The following MEAK7 variants were observed in gnomAD, a reference collection of about 807,000 sequenced individuals.
MEAK7 encodes MTOR-associated protein MEAK7.
Under a neutral mutation model 40.5 loss-of-function variants are expected in MEAK7, and 68 were observed. The observed-to-expected ratio is 1.68, with a 90% CI of 1.38 to 2.06. The LOEUF is 2.06. Among genes scored for constraint, MEAK7 ranks in the 30% most tolerant of loss-of-function variants. The pLI is 0.00. For synonymous variants in MEAK7, 338 were observed against 231.9 expected, an observed-to-expected ratio of 1.46 and a Z score of -4.16; for missense variants, 918 against 580.5, an observed-to-expected ratio of 1.58 and a Z score of -5.98.
intron 3 of MEAK7, among the ~76,000 whole-genome samples, chr16:84,495,434 C>A (rs990066645): frequency 2.0e-5 from 3 of 152,160 alleles, no homozygotes; most frequent in Non-Finnish European, 4.4e-5. Context: ...ACCAGACCCT[C>A]CCTCCTTCCC....
Position 84,491,214 on chromosome 16 carries a change from T to A in MEAK7, c.385-1792A>T, listed in dbSNP as rs371645465. On this transcript the variant is annotated intron_variant, in intron 3 of 7. Transcript: ENST00000343629. The stretch of plus-strand genomic sequence containing the variant: ...CTCCACTTTGGGAGGCCAAGGCGAG[T>A]GGATTACTTGAGGTCAGGAGTTCGA... Among the ~76,000 whole-genome samples the A allele has an allele frequency of 1.2e-4, 18 of 150,836 alleles. 1 individual carries two copies. The East Asian group carries it at 2.0e-3, about 17-fold the overall frequency.
rs535892700 is a variant in MEAK7, at chr16:84,486,503, C to G, written c.958+128G>C. 7.6e-6 allele frequency: 11 copies of G among 1,447,292 alleles called. No homozygotes were observed. The South Asian group carries it at 1.6e-4, about 21-fold the overall frequency. 89.7% of individuals were successfully genotyped at this position (1,447,292 alleles called of 1,614,324 possible). On this transcript the variant is annotated intron_variant, in intron 5 of 7. Coordinates refer to ENST00000343629, the MANE Select transcript of MEAK7 (RefSeq NM_020947.4). ...GCAGCATCACATTTTCCTATCGCCC[C>G]GACTGCGTCTAGAGAAACACTTGGA...
Position 84,495,867 on chromosome 16 carries a change from T to A in MEAK7, c.200A>T (p.Tyr67Phe), listed in dbSNP as rs757139711. Residue 67 changes from tyrosine to phenylalanine, a missense_variant, in exon 3 of 8, where the codon TAT (tyrosine) becomes TTT (phenylalanine). By Grantham distance (22) the Tyr-to-Phe change is conservative (BLOSUM62 3). Coordinates refer to ENST00000343629, the MANE Select transcript of MEAK7 (RefSeq NM_020947.4). The stretch of plus-strand genomic sequence containing the variant: ...CAGGTCGACCCTCCGCATGCCATCA[T>A]ACAGCCTGGTGACCATCTCTGGGGG... ...ALPPEMVTRL[Y>F]DGMRRVDLTG... 1 of 1,614,114 alleles carries A rather than the reference T, an allele frequency of 6.2e-7. No homozygotes were observed. The highest frequency in any genetic ancestry group is 8.5e-7 in the Non-Finnish European group (1 of 1,180,022).
At chr16:84,492,359 A>G (rs1394290979) in intron 3 of MEAK7, among the ~76,000 whole-genome samples, 5 of 152,136 alleles carry the variant, frequency 3.3e-5, no homozygotes, top group Non-Finnish European at 7.4e-5. Context: ...AAGATGATTA[A>G]AATTTAATAG....
chr16:84,497,849 A>G, intron 2 of MEAK7, 85 bp downstream of exon 2: 1 of 1,579,766 alleles, frequency 6.3e-7, no homozygotes, highest in Non-Finnish European at 8.7e-7. Flanking sequence ...CATTACAAAA[A>G]CACGAAAGCA....
At chr16:84,500,736 G>A (rs574527940) in intron 1 of MEAK7, among the ~76,000 whole-genome samples, 3 of 152,216 alleles carry the variant, frequency 2.0e-5, no homozygotes, top group South Asian at 4.1e-4. Context: ...AGCGGCAGGC[G>A]GCTGTCCCCA....
In MEAK7 at chr16:84,495,642, G is replaced by A. The variant is rs765907768; in HGVS notation, c.384+41C>T. 6 of 1,598,006 alleles carry A rather than the reference G, an allele frequency of 3.8e-6. No individual in the cohort carries two copies. In the South Asian group the frequency reaches 6.6e-5, roughly 18 times the overall value. ...CCATCCCCCCACCGATGGTCACCAA[G>A]ACTGCTGAGGAGGCTGCAAAGGACC... On this transcript the variant is annotated intron_variant, in intron 3 of 7. Coordinates refer to ENST00000343629, the MANE Select transcript of MEAK7 (RefSeq NM_020947.4).
At chr16:84,489,804 G>T (rs772562129) in intron 3 of MEAK7, among the ~76,000 whole-genome samples, 3 of 152,156 alleles carry the variant, frequency 2.0e-5, no homozygotes, top group Non-Finnish European at 4.4e-5. Context: ...GGTTTATTTT[G>T]CTGAGTTTTA....
At chr16:84,497,765 T>TA (rs1597965702) in intron 2 of MEAK7, 169 bp downstream of exon 2, 11 of 1,309,386 alleles carry the variant, frequency 8.4e-6, no homozygotes, top group Non-Finnish European at 1.2e-5. Context: ...AGAGACCGCA[T>TA]AGCTCACAAA....
chr16:84,490,653 G>GGTGTGTGTGTGGGTGT (rs571630201), intron 3 of MEAK7, among the ~76,000 whole-genome samples: 1 of 104,432 alleles, frequency 9.6e-6, no homozygotes, highest in African/African-American at 4.1e-5. Flanking sequence ...AGCTAATCAA[G>GGTGTGTGTGTGGGTGT]ATGTGTGTGT....
chr16:84,499,677 T>G (rs1243290670), intron 1 of MEAK7, among the ~76,000 whole-genome samples: 1 of 152,186 alleles, frequency 6.6e-6, no homozygotes, highest in East Asian at 1.9e-4. Flanking sequence ...CCCTCCCACA[T>G]GCCCTGGCCA....
At chr16:84,483,790 G>T (rs1466394296) in intron 5 of MEAK7, among the ~76,000 whole-genome samples, 1 of 152,196 alleles carries the variant, frequency 6.6e-6, no homozygotes. Context: ...GCTGGCTGGG[G>T]CAAGAGTCCC....
intron 1 of MEAK7, among the ~76,000 whole-genome samples, chr16:84,503,065 C>G (rs1445997370): frequency 6.6e-6 from 1 of 152,186 alleles, no homozygotes; most frequent in Admixed American, 6.5e-5. Context: ...TATCTGTTCA[C>G]TTGCTATCTA....
intron 1 of MEAK7, chr16:84,502,983 G>A (rs1017443948): frequency 1.3e-5 from 2 of 152,080 alleles, no homozygotes; most frequent in African/African-American, 2.4e-5. Context: ...GTAAAATCTG[G>A]TTTTAGCAAA....
intron 2 of MEAK7, chr16:84,497,305 G>A (rs563242221): frequency 1.3e-5 from 11 of 823,460 alleles, no homozygotes; most frequent in African/African-American, 1.8e-5. Context: ...CCCATGGAAC[G>A]GGGAAAAACA....
rs436278 is a variant in MEAK7, at chr16:84,489,291, G to C, written c.516C>G (p.Asp172Glu). Residue 172 changes from aspartate to glutamate, a missense_variant, in exon 4 of 8, where the codon GAC becomes GAG. Asp to Glu is a conservative substitution (Grantham distance 45). Transcript: ENST00000343629. ...VQVLAAQLLSDMKLQDGKRLL... is the reference protein window; with the variant it reads ...VQVLAAQLLSEMKLQDGKRLL... ...ACGCACACTTGCCTTGCAGCTTCAT[G>C]TCAGAGAGCAGCTGAGCAGCCAGCA... The C allele has an allele frequency of 0.49, 792,112 of 1,613,580 alleles. 203,827 individuals carry two copies. Among genetic ancestry groups the C allele is most frequent in the East Asian group, 0.9 (40,474 of 44,864 alleles).
chr16:84,495,072 C>A (rs983991057), intron 3 of MEAK7, among the ~76,000 whole-genome samples: 13 of 152,098 alleles, frequency 8.5e-5, no homozygotes, highest in African/African-American at 3.1e-4. Flanking sequence ...AGTTGGAGAC[C>A]AGCCTGGCCA....
chr16:84,498,774 A>G (rs1476893563), intron 1 of MEAK7, among the ~76,000 whole-genome samples: 1 of 152,212 alleles, frequency 6.6e-6, no homozygotes, highest in Non-Finnish European at 1.5e-5. Context: ...ATTCTTTAAA[A>G]CCAGAGTTAG....
chr16:84,482,014 G>C (rs1406537844), intron 6 of MEAK7, among the ~76,000 whole-genome samples: 1 of 152,218 alleles, frequency 6.6e-6, no homozygotes, highest in Non-Finnish European at 1.5e-5. Flanking sequence ...GGAGCAAGCT[G>C]AGCTTCGGCG....
Sources: allele counts gnomAD v4.1 joint callset (sites outside exome capture counted in the v4.1 genomes callset), GRCh38; gene constraint gnomAD v4.1.1; transcripts MANE v1.5; gene names NCBI Gene and HGNC (gene_info 2026-07-23, HGNC 2026-07-21).